KSR2: variants seen among roughly 807,000 people sequenced by gnomAD.
The protein encoded by KSR2 is kinase suppressor of ras 2.
Under a neutral mutation model 107.8 loss-of-function variants are expected in KSR2, and 25 were observed. The ratio of observed to expected loss-of-function variants is 0.23; its 90% CI spans 0.17 to 0.32. The LOEUF is 0.32. KSR2 is among the 10% of genes least tolerant of loss of function. The pLI is 1.00. For missense variants in KSR2, 887 were observed against 1,268.9 expected, an observed-to-expected ratio of 0.70 and a Z score of 4.57; for synonymous variants, 480 against 507.0, an observed-to-expected ratio of 0.95 and a Z score of 0.71.
At chr12:117,836,299 G>A (rs938625938) in intron 3 of KSR2, among the ~76,000 whole-genome samples, 3 of 152,062 alleles carry the variant, frequency 2.0e-5, no homozygotes, top group Non-Finnish European at 2.9e-5. Flanking sequence ...AGACCATTCA[G>A]TTCCTGTGGA....
At chr12:117,830,789 T>C (rs1447244221) in intron 3 of KSR2, among the ~76,000 whole-genome samples, 1 of 152,180 alleles carries the variant, frequency 6.6e-6, no homozygotes, top group African/African-American at 2.4e-5. Context: ...AGAGAAGACA[T>C]GATACTGTTT....
intron 7 of KSR2, among the ~76,000 whole-genome samples, chr12:117,573,759 C>T (rs766975680): frequency 1.7e-4 from 26 of 151,938 alleles, no homozygotes; most frequent in Non-Finnish European, 3.4e-4. Context: ...GAACTCCTGA[C>T]CTCAAATGAT....
At position 117,959,895 on chromosome 12, in the gene KSR2, C is replaced by T. The variant is rs1223515962; in HGVS notation, c.180+8181G>A. Among the ~76,000 whole-genome samples the T allele has an allele frequency of 4.0e-5, 6 of 151,192 alleles. No individual in the cohort carries two copies. The East Asian group carries it at 1.2e-3, about 29-fold the overall frequency. Reference sequence around the variant, plus strand: ...TCAGTGAGCCATGACAGTGCCACTGCACTGCAGCCTGGGTGACAGAGTGAG... The same window carrying T: ...TCAGTGAGCCATGACAGTGCCACTGTACTGCAGCCTGGGTGACAGAGTGAG... On this transcript the variant is annotated intron_variant, in intron 1 of 19. Transcript: ENST00000339824.
chr12:117,692,983 G>C (rs902964056), intron 4 of KSR2, among the ~76,000 whole-genome samples: 1 of 152,200 alleles, frequency 6.6e-6, no homozygotes, highest in Admixed American at 6.5e-5. Flanking sequence ...AGAGGTGGTG[G>C]TTGTGCAACA....
intron 7 of KSR2, among the ~76,000 whole-genome samples, chr12:117,567,945 G>A (rs1878630297): frequency 6.6e-6 from 1 of 151,600 alleles, no homozygotes; most frequent in Non-Finnish European, 1.5e-5. Flanking sequence ...TATGCTCCAA[G>A]TACAGGATAT....
chr12:117,527,046 C>CGCTTCACTGCTCTCTGA (rs752574018), intron 13 of KSR2, 25 bp downstream of exon 13: 3 of 1,610,248 alleles, frequency 1.9e-6, no homozygotes, highest in Non-Finnish European at 2.5e-6. Flanking sequence ...TGGAAAATGT[C>CGCTTCACTGCTCTCTGA]GCTTCACTGC....
intron 4 of KSR2, among the ~76,000 whole-genome samples, chr12:117,710,656 C>G (rs1232513048): frequency 6.6e-6 from 1 of 152,100 alleles, no homozygotes; most frequent in Non-Finnish European, 1.5e-5. Flanking sequence ...TTCATCGGTG[C>G]CTTGAGAATA....
intron 4 of KSR2, among the ~76,000 whole-genome samples, chr12:117,678,701 T>G (rs1195967376): frequency 5.9e-5 from 9 of 152,140 alleles, no homozygotes; most frequent in African/African-American, 2.2e-4. Context: ...TTGAGCCAAG[T>G]AACCCCCAAG....
intron 3 of KSR2, among the ~76,000 whole-genome samples, chr12:117,778,939 C>T (rs1318574573): frequency 6.6e-6 from 1 of 152,200 alleles, no homozygotes; most frequent in Admixed American, 6.5e-5. Context: ...ACCTTATGTG[C>T]TGCAAGGTGC....
intron 4 of KSR2, among the ~76,000 whole-genome samples, chr12:117,731,232 C>T (rs1455418289): frequency 1.2e-4 from 18 of 148,486 alleles, no homozygotes; most frequent in Non-Finnish European, 1.5e-5. Context: ...TGTCTCTGCC[C>T]AGCCGCCCCG....
intron 1 of KSR2, among the ~76,000 whole-genome samples, chr12:117,940,279 G>T (rs1188840452): frequency 6.6e-6 from 1 of 152,120 alleles, no homozygotes; most frequent in South Asian, 2.1e-4. Context: ...ACAAGACAAG[G>T]TTGAATTTCT....
chr12:117,617,605 A>G (rs1881956795), intron 5 of KSR2, among the ~76,000 whole-genome samples: 1 of 152,226 alleles, frequency 6.6e-6, no homozygotes, highest in Non-Finnish European at 1.5e-5. Flanking sequence ...AAGAGTATAT[A>G]CTGTATGAAG....
intron 3 of KSR2, among the ~76,000 whole-genome samples, chr12:117,812,515 T>G (rs1304663948): frequency 6.6e-6 from 1 of 152,168 alleles, no homozygotes; most frequent in African/African-American, 2.4e-5. Context: ...AGTCTTCAGC[T>G]CCTCTTGAAT....
chr12:117,497,767 G>C (rs960073448), intron 14 of KSR2, among the ~76,000 whole-genome samples: 1 of 152,326 alleles, frequency 6.6e-6, no homozygotes, highest in African/African-American at 2.4e-5. Context: ...TAACCTCTGA[G>C]GTGGGGGTGT....
At chr12:117,775,853 A>C (rs1173194639) in intron 3 of KSR2, among the ~76,000 whole-genome samples, 1 of 152,212 alleles carries the variant, frequency 6.6e-6, no homozygotes, top group African/African-American at 2.4e-5. Flanking sequence ...ACTGAACATC[A>C]TATGTTCTCA....
At chr12:117,620,742 C>A (rs1882148462) in intron 5 of KSR2, among the ~76,000 whole-genome samples, 1 of 152,122 alleles carries the variant, frequency 6.6e-6, no homozygotes, top group Non-Finnish European at 1.5e-5. Context: ...GAGCTGTGAC[C>A]AATAACCAAT....
At position 117,629,034 on chromosome 12, in the gene KSR2, C is replaced by A. The variant is rs1003478738; in HGVS notation, c.1171+38440G>T. On this transcript the variant is annotated intron_variant, in intron 5 of 19. Coordinates refer to ENST00000339824, the MANE Select transcript of KSR2 (RefSeq NM_173598.6). The stretch of plus-strand genomic sequence containing the variant: ...CAGGCATGGGAGAGAATCACCTTGT[C>A]TGCCAGTTGCTAAGACCTTGGGAAA... Among the ~76,000 whole-genome samples, 37 of 152,264 alleles carry A rather than the reference C, an allele frequency of 2.4e-4. 1 individual carries two copies. The highest frequency in any genetic ancestry group is 8.7e-4 in the African/African-American group (36 of 41,474).
chr12:117,539,166 G>T (rs1876274817), intron 10 of KSR2, among the ~76,000 whole-genome samples: 1 of 152,158 alleles, frequency 6.6e-6, no homozygotes, highest in South Asian at 2.1e-4. Context: ...CTTTTCAGAG[G>T]TGAGACACAG....
At position 117,958,203 on chromosome 12, in the gene KSR2, A is replaced by C. The variant is rs1280071836; in HGVS notation, c.180+9873T>G. On this transcript the variant is annotated intron_variant, in intron 1 of 19. Transcript: ENST00000339824. ...CAGGTACCAAGGCCCTACCCAGTTA[A>C]AAACAGTAAAGATCTCATTCTGACC... 3.9e-5 allele frequency among the ~76,000 whole-genome samples: 6 copies of C among 152,238 alleles called. No individual in the cohort carries two copies. The East Asian group carries it at 9.6e-4, about 24-fold the overall frequency.
Sources: allele counts gnomAD v4.1 joint callset (sites outside exome capture counted in the v4.1 genomes callset), GRCh38; gene constraint gnomAD v4.1.1; transcripts MANE v1.5; gene names NCBI Gene and HGNC (gene_info 2026-07-23, HGNC 2026-07-21).